ST6GALNAC5: variants seen among roughly 807,000 people sequenced by gnomAD.
The protein encoded by ST6GALNAC5 is alpha-N-acetylgalactosaminide alpha-2,6-sialyltransferase 5.
A neutral mutation model predicts 33.6 loss-of-function variants in ST6GALNAC5; 27 were observed. That is an observed-to-expected ratio of 0.80 (90% CI 0.59 to 1.11). ST6GALNAC5 has a LOEUF of 1.11. ST6GALNAC5 is among the 50% of genes least tolerant of loss of function. The pLI is 0.00. For missense variants in ST6GALNAC5, 428 were observed against 454.0 expected, an observed-to-expected ratio of 0.94 and a Z score of 0.52; for synonymous variants, 194 against 171.2, an observed-to-expected ratio of 1.13 and a Z score of -1.04.
At chr1:77,015,050 A>AACACACACACAC (rs5775372) in intron 2 of ST6GALNAC5, among the ~76,000 whole-genome samples, 6 of 122,504 alleles carry the variant, frequency 4.9e-5, no homozygotes, top group East Asian at 4.8e-4. Context: ...CTCGCACACA[A>AACACACACACAC]ACACACACAC....
At chr1:76,900,948 A>G (rs1435945541) in intron 2 of ST6GALNAC5, among the ~76,000 whole-genome samples, 1 of 152,232 alleles carries the variant, frequency 6.6e-6, no homozygotes, top group East Asian at 1.9e-4. Context: ...TTTAGCAAAT[A>G]AGATATTATT....
intron 2 of ST6GALNAC5, among the ~76,000 whole-genome samples, chr1:76,924,284 A>T (rs1433283940): frequency 2.0e-5 from 3 of 152,216 alleles, no homozygotes; most frequent in Non-Finnish European, 2.9e-5. Flanking sequence ...AGATACTCTG[A>T]AAGTATCTAG....
chr1:76,998,220 AAC>A (rs1284552992), intron 2 of ST6GALNAC5, among the ~76,000 whole-genome samples: 1 of 152,126 alleles, frequency 6.6e-6, no homozygotes, highest in Non-Finnish European at 1.5e-5. Flanking sequence ...CACTGCTGAA[AAC>A]ATACCCAAAA....
intron 2 of ST6GALNAC5, among the ~76,000 whole-genome samples, chr1:77,031,605 A>G (rs1280164449): frequency 6.6e-6 from 1 of 152,194 alleles, no homozygotes; most frequent in Non-Finnish European, 1.5e-5. Flanking sequence ...TATGAGAAAA[A>G]TGAGTATTTG....
At chr1:76,969,174 G>T (rs1028444219) in intron 2 of ST6GALNAC5, among the ~76,000 whole-genome samples, 1 of 152,224 alleles carries the variant, frequency 6.6e-6, no homozygotes, top group African/African-American at 2.4e-5. Flanking sequence ...CTGTTGGACA[G>T]GGGGTGTAGC....
intron 2 of ST6GALNAC5, among the ~76,000 whole-genome samples, chr1:76,898,107 G>A (rs1409310461): frequency 6.6e-6 from 1 of 152,216 alleles, no homozygotes; most frequent in Non-Finnish European, 1.5e-5. Context: ...AGGGGCTCTG[G>A]GAGTGGCTGC....
rs1310191046 is a variant in ST6GALNAC5 at position 76,926,664 on chromosome 1, T to C, written c.261+57922T>C. Among the ~76,000 whole-genome samples the C allele has an allele frequency of 3.3e-5, 5 of 152,276 alleles. No homozygotes were observed. The East Asian group carries it at 9.7e-4, about 29-fold the overall frequency. On this transcript the variant is annotated intron_variant, in intron 2 of 4. Transcript: ENST00000477717. ...AGTGAAGCTCCTTGTACATGCATTC[T>C]TGTGCTTAACCTAATAGCTCCTTGA...
intron 2 of ST6GALNAC5, among the ~76,000 whole-genome samples, chr1:76,876,842 C>T (rs1052166400): frequency 2.6e-5 from 4 of 152,136 alleles, no homozygotes; most frequent in African/African-American, 9.7e-5. Flanking sequence ...TTAGTCTTCT[C>T]GTCTCTGTCA....
chr1:76,933,107 A>C (rs1647161301), intron 2 of ST6GALNAC5, among the ~76,000 whole-genome samples: 2 of 152,100 alleles, frequency 1.3e-5, no homozygotes. Flanking sequence ...TAAGACCATG[A>C]AACTGGAATT....
intron 2 of ST6GALNAC5, among the ~76,000 whole-genome samples, chr1:77,003,682 G>A (rs759706321): frequency 6.6e-6 from 1 of 151,952 alleles, no homozygotes; most frequent in African/African-American, 2.4e-5. Context: ...TGTAAGGCAG[G>A]CCTGGTGGTG....
At chr1:77,040,501 A>C (rs917710349) in intron 2 of ST6GALNAC5, among the ~76,000 whole-genome samples, 4 of 152,188 alleles carry the variant, frequency 2.6e-5, no homozygotes, top group African/African-American at 9.6e-5. Flanking sequence ...ACAGAGGGTC[A>C]GTATGGCAAG....
chr1:76,923,951 T>C (rs1166686378), intron 2 of ST6GALNAC5, among the ~76,000 whole-genome samples: 1 of 152,128 alleles, frequency 6.6e-6, no homozygotes, highest in Non-Finnish European at 1.5e-5. Context: ...TTTCCTGAGC[T>C]TTTGCAAATG....
At chr1:76,975,794 TA>T (rs1360335756) in intron 2 of ST6GALNAC5, among the ~76,000 whole-genome samples, 2 of 152,054 alleles carry the variant, frequency 1.3e-5, no homozygotes, top group Non-Finnish European at 2.9e-5. Context: ...TAGTTACCTT[TA>T]AAAAACAGAG....
Position 76,970,726 on chromosome 1 carries a change from G to A in ST6GALNAC5, c.262-73478G>A, listed in dbSNP as rs868091412. On this transcript the variant is annotated intron_variant, in intron 2 of 4. Transcript: ENST00000477717. ...AGAGAACACCACAAAGATACTCCTC[G>A]AGAAGAGCAATCCCAAGACACATAC... 4.6e-5 allele frequency among the ~76,000 whole-genome samples: 7 copies of A among 152,108 alleles called. No individual in the cohort carries two copies. In the South Asian group the frequency reaches 6.2e-4, roughly 13 times the overall value.
intron 2 of ST6GALNAC5, among the ~76,000 whole-genome samples, chr1:77,009,552 C>T (rs903804027): frequency 6.6e-6 from 1 of 152,068 alleles, no homozygotes; most frequent in African/African-American, 2.4e-5. Flanking sequence ...GAAAGGCAAA[C>T]TTTTCAGCTG....
At chr1:76,921,314 G>A (rs537968631) in intron 2 of ST6GALNAC5, among the ~76,000 whole-genome samples, 5 of 152,188 alleles carry the variant, frequency 3.3e-5, no homozygotes, top group South Asian at 2.1e-4. Flanking sequence ...TGAGTGAAAA[G>A]GGGCTCTTCT....
At position 76,868,143 on chromosome 1, in the gene ST6GALNAC5, T is replaced by A. The variant is rs1278013086; in HGVS notation, c.16-354T>A. 6.6e-6 allele frequency among the ~76,000 whole-genome samples: 1 copy of A among 152,028 alleles called. No homozygotes were observed. On this transcript the variant is annotated intron_variant, in intron 1 of 4. Transcript: ENST00000477717. This position sits in a 1 kb window ranked among gnomAD's most constrained non-coding sequence, Gnocchi z 4.3. Reference sequence around the variant, plus strand: ...AGGAGGGGTGTGAAGGACTCAAAATTCCAGCAGCTTGGCTGGGGTGGCTGC... The same window carrying A: ...AGGAGGGGTGTGAAGGACTCAAAATACCAGCAGCTTGGCTGGGGTGGCTGC...
At chr1:76,895,212 G>A (rs1256732491) in intron 2 of ST6GALNAC5, among the ~76,000 whole-genome samples, 1 of 152,020 alleles carries the variant, frequency 6.6e-6, no homozygotes, top group Non-Finnish European at 1.5e-5. Context: ...TGGGCTCAGA[G>A]GCCTGACATT....
At position 76,952,723 on chromosome 1, in the gene ST6GALNAC5, G is replaced by A. The variant is rs151156706; in HGVS notation, c.261+83981G>A. On this transcript the variant is annotated intron_variant, in intron 2 of 4. Coordinates refer to ENST00000477717, the MANE Select transcript of ST6GALNAC5 (RefSeq NM_030965.3). ...AAAGTTTAAAAAATTAAAAATAATT[G>A]TAGAAAATAAAAACACCATGGTCAC... is the stretch of plus-strand genomic sequence containing the variant. Among the ~76,000 whole-genome samples, 544 of 151,896 alleles carry A rather than the reference G, an allele frequency of 3.6e-3. 4 individuals carry two copies. The highest frequency in any genetic ancestry group is 0.012 in the African/African-American group (517 of 41,458).
Sources: allele counts gnomAD v4.1 joint callset (sites outside exome capture counted in the v4.1 genomes callset), GRCh38; gene constraint gnomAD v4.1.1; non-coding constraint Gnocchi (gnomAD v3.1); transcripts MANE v1.5; gene names NCBI Gene and HGNC (gene_info 2026-07-23, HGNC 2026-07-21).